Variants in PALS1 observed in about 807,000 individuals in gnomAD.
PALS1 encodes protein PALS1.
In PALS1, 31 loss-of-function variants were observed where a neutral mutation model predicts 78.9. The observed-to-expected ratio is 0.39, with a 90% CI of 0.30 to 0.53. PALS1 has a LOEUF of 0.53. Among genes scored for constraint, PALS1 ranks in the 20% least tolerant of loss-of-function variants. PALS1 has a pLI of 0.67. For missense variants in PALS1, 704 were observed against 826.5 expected (o/e 0.85, Z 1.82); for synonymous variants, 276 against 270.9 (o/e 1.02, Z -0.18).
rs1274316 is a variant in PALS1, at chr14:67,258,198, A to G, written c.-236-11503A>G. On this transcript the variant is annotated intron_variant, in intron 1 of 14. Transcript: ENST00000261681. ...TACCAGTAGATGGGAAGTCTATAGA[A>G]TATTTGCAGTCTAGTTGAGAAGATA... is the stretch of plus-strand genomic sequence containing the variant. Among the ~76,000 whole-genome samples the G allele has an allele frequency of 7.5e-3, 1,142 of 152,126 alleles. 23 individuals carry two copies. The highest frequency in any genetic ancestry group is 5.2e-3 in the Non-Finnish European group (357 of 68,008).
At chr14:67,321,351 G>A (rs111677525) in intron 13 of PALS1, 92 bp downstream of exon 13, 175 of 1,178,440 alleles carry the variant, frequency 1.5e-4, no homozygotes, top group Non-Finnish European at 1.8e-4. Flanking sequence ...CAAGAACAGC[G>A]CGACCTAATT....
intron 4 of PALS1, among the ~76,000 whole-genome samples, chr14:67,300,048 A>G (rs927930168): frequency 2.6e-5 from 4 of 152,142 alleles, no homozygotes; most frequent in African/African-American, 9.7e-5. Context: ...AAAGCCTTAA[A>G]GCCTTGTCCA....
intron 2 of PALS1, among the ~76,000 whole-genome samples, chr14:67,277,930 G>A (rs1315698820): frequency 6.6e-6 from 1 of 152,014 alleles, no homozygotes; most frequent in African/African-American, 2.4e-5. Context: ...CCTGTTTACT[G>A]TGATCTTTTT....
intron 1 of PALS1, among the ~76,000 whole-genome samples, chr14:67,265,846 G>A (rs2084314105): frequency 7.0e-6 from 1 of 142,238 alleles, no homozygotes; most frequent in African/African-American, 2.6e-5. Flanking sequence ...GACAGAGTGA[G>A]ACTCCATCTC....
rs115490549 is a variant in PALS1, at chr14:67,285,815, C to T, written c.367+6278C>T. On this transcript the variant is annotated intron_variant, in intron 3 of 14. Transcript: ENST00000261681. Reference sequence around the variant, plus strand: ...GCCTGTTTCAGAGTCCATTCTTTTACGTTTTAGACTGACAGGAGAGGGCAA... The same window carrying T: ...GCCTGTTTCAGAGTCCATTCTTTTATGTTTTAGACTGACAGGAGAGGGCAA... Among the ~76,000 whole-genome samples, 614 of 152,104 alleles carry T rather than the reference C, an allele frequency of 4.0e-3. 17 individuals are homozygous for T. The East Asian group carries it at 0.059, about 15-fold the overall frequency.
chr14:67,290,868 A>G (rs2055375838), intron 3 of PALS1, among the ~76,000 whole-genome samples: 3 of 152,198 alleles, frequency 2.0e-5, no homozygotes, highest in South Asian at 4.1e-4. Flanking sequence ...TACTAGAATC[A>G]TTGGTTATTT....
At position 67,334,256 on chromosome 14, in the gene PALS1, G is replaced by A. The variant is rs748765493; in HGVS notation, c.*1300G>A. 1.3e-5 allele frequency: 2 copies of A among 152,610 alleles called. No individual in the cohort carries two copies. Among genetic ancestry groups the A allele is most frequent in the Non-Finnish European group, 2.9e-5 (2 of 68,022 alleles). The allele number at this position is 152,610 out of a possible 1,614,324, so 9.5% of individuals were successfully genotyped here. The stretch of plus-strand genomic sequence containing the variant: ...CATAAAAGAAACATTTAAGCTAATA[G>A]GATTTTCGTACTGTCTCTATAGCTG... On this transcript the variant is annotated 3_prime_UTR_variant, in exon 15 of 15. Transcript: ENST00000261681.
intron 1 of PALS1, among the ~76,000 whole-genome samples, chr14:67,265,895 C>G (rs1252852381): frequency 6.6e-6 from 1 of 151,328 alleles, no homozygotes; most frequent in Non-Finnish European, 1.5e-5. Flanking sequence ...CAAAGTAAAC[C>G]CAGGACATTT....
chr14:67,317,266 A>T, intron 10 of PALS1, 142 bp from the exon 11 acceptor site: 1 of 662,826 alleles, frequency 1.5e-6, no homozygotes, highest in South Asian at 2.2e-5. Flanking sequence ...AGTTCAAGAC[A>T]AGCGTGGCCA....
chr14:67,265,371 A>G (rs781290460), intron 1 of PALS1, among the ~76,000 whole-genome samples: 6 of 151,920 alleles, frequency 3.9e-5, no homozygotes, highest in Admixed American at 6.6e-5. Context: ...AGACTGGGCA[A>G]CATACTGAGA....
chr14:67,246,929 C>T (rs1424445107), intron 1 of PALS1, among the ~76,000 whole-genome samples: 2 of 152,142 alleles, frequency 1.3e-5, no homozygotes, highest in Non-Finnish European at 1.5e-5. Flanking sequence ...GGATTACAGG[C>T]GTGAGCCACT....
chr14:67,264,984 T>C (rs2084298981), intron 1 of PALS1, among the ~76,000 whole-genome samples: 1 of 152,212 alleles, frequency 6.6e-6, no homozygotes, highest in South Asian at 2.1e-4. Flanking sequence ...GTTTAAGTTA[T>C]AATACATGTT....
At chr14:67,267,791 T>C (rs1451740293) in intron 1 of PALS1, among the ~76,000 whole-genome samples, 1 of 152,206 alleles carries the variant, frequency 6.6e-6, no homozygotes, top group Non-Finnish European at 1.5e-5. Context: ...CAAACTGCTT[T>C]TTGTAATAGC....
intron 1 of PALS1, among the ~76,000 whole-genome samples, chr14:67,242,826 A>G (rs1327356691): frequency 6.6e-6 from 1 of 152,234 alleles, no homozygotes; most frequent in Non-Finnish European, 1.5e-5. Flanking sequence ...AGTTTTGGCA[A>G]GACGGACTTG....
rs1327537821 is a variant in PALS1 at position 67,335,324 on chromosome 14, T to C, written c.*2368T>C. On this transcript the variant is annotated 3_prime_UTR_variant, in exon 15 of 15. Transcript: ENST00000261681. ...AAAAGCCTTGCTGTACACCTAGTTG[T>C]ACAGCCACTCTGGCCAATTCCATTT... 4 of 152,360 alleles carry C rather than the reference T, an allele frequency of 2.6e-5. No homozygotes were observed. The highest frequency in any genetic ancestry group is 3.9e-4 in the East Asian group (2 of 5,184). The allele number at this position is 152,360 out of a possible 1,614,324, so 9.4% of individuals were successfully genotyped here.
At chr14:67,307,166 T>C (rs900547236) in intron 8 of PALS1, among the ~76,000 whole-genome samples, 3 of 152,216 alleles carry the variant, frequency 2.0e-5, no homozygotes, top group Non-Finnish European at 4.4e-5. Context: ...CCTCTGTATT[T>C]CACTTCCTGA....
At chr14:67,259,585 T>C (rs2084201666) in intron 1 of PALS1, among the ~76,000 whole-genome samples, 1 of 151,842 alleles carries the variant, frequency 6.6e-6, no homozygotes, top group Non-Finnish European at 1.5e-5. Context: ...GCACTTCAGT[T>C]TGGGCAACAG....
chr14:67,286,238 T>C (rs1375725726), intron 3 of PALS1, among the ~76,000 whole-genome samples: 1 of 152,180 alleles, frequency 6.6e-6, no homozygotes, highest in African/African-American at 2.4e-5. Context: ...CTAGCACATA[T>C]ATCAGTCTTT....
intron 6 of PALS1, 111 bp downstream of exon 6, chr14:67,302,229 A>G: frequency 7.9e-7 from 1 of 1,259,286 alleles, no homozygotes; most frequent in Non-Finnish European, 1.1e-6. Context: ...TGAAGCAGAA[A>G]GTGTGGGGGA....
Sources: gnomAD v4.1 joint callset for allele counts (sites outside exome capture counted in the v4.1 genomes callset) on GRCh38, gnomAD v4.1.1 for gene constraint, MANE v1.5 for transcripts, NCBI Gene and HGNC (gene_info 2026-07-23, HGNC 2026-07-21) for gene names.